The following PTPN12 variants were observed in gnomAD, a reference collection of about 807,000 sequenced individuals.
PTPN12 encodes the protein protein tyrosine phosphatase non-receptor type 12, also known as tyrosine-protein phosphatase non-receptor type 12.
PTPN12 carries 29 observed loss-of-function variants against 97.6 expected under a neutral mutation model. The observed-to-expected ratio is 0.30, with a 90% confidence interval of 0.22 to 0.41. The LOEUF is 0.41. Among genes scored for constraint, PTPN12 ranks in the 10% least tolerant of loss-of-function variants. PTPN12 has a pLI of 1.00. For missense variants in PTPN12, 819 were observed against 926.0 expected (o/e 0.88, Z 1.50); for synonymous variants, 327 against 300.4 (o/e 1.09, Z -0.91).
chr7:77,554,719 A>T (rs530186282), intron 1 of PTPN12, among the ~76,000 whole-genome samples: 29 of 152,296 alleles, frequency 1.9e-4, no homozygotes, highest in African/African-American at 6.5e-4. Context: ...TCTGTCTGTC[A>T]TCCAGGCTAT....
intron 14 of PTPN12, among the ~76,000 whole-genome samples, chr7:77,635,471 G>A (rs1470743627): frequency 6.6e-6 from 1 of 152,196 alleles, no homozygotes; most frequent in Non-Finnish European, 1.5e-5. Context: ...AGTTGTCTAA[G>A]TCTGTCACGT....
intron 1 of PTPN12, among the ~76,000 whole-genome samples, chr7:77,569,660 A>G (rs1808394432): frequency 6.6e-6 from 1 of 152,124 alleles, no homozygotes; most frequent in Admixed American, 6.6e-5. Context: ...AATTCCAGCT[A>G]CTCAGGAGGC....
At chr7:77,539,193 G>T (rs937101264) in intron 1 of PTPN12, among the ~76,000 whole-genome samples, 1 of 152,064 alleles carries the variant, frequency 6.6e-6, no homozygotes, top group Admixed American at 6.5e-5. Context: ...TATAAAATAG[G>T]CCCTTGACCA....
At chr7:77,638,867 TAAATG>T in intron 17 of PTPN12, 136 bp downstream of exon 17, 1 of 1,303,734 alleles carries the variant, frequency 7.7e-7, no homozygotes, top group Non-Finnish European at 1.0e-6. Flanking sequence ...AGTCATGAAA[TAAATG>T]AAATACTTAA....
At chr7:77,581,146 C>T (rs1035444928) in intron 2 of PTPN12, among the ~76,000 whole-genome samples, 3 of 152,132 alleles carry the variant, frequency 2.0e-5, no homozygotes, top group African/African-American at 7.2e-5. Flanking sequence ...AATCTTGGCT[C>T]ACTGCAACCT....
Position 77,558,724 on chromosome 7 carries a change from A to C in PTPN12, c.100-12354A>C, listed in dbSNP as rs539938899. On this transcript the variant is annotated intron_variant, in intron 1 of 17. Coordinates refer to ENST00000248594, the MANE Select transcript of PTPN12 (RefSeq NM_002835.4). ...GTGGTTCACTGTGCCCAAACTGTAC[A>C]AACAATGTGGTTTATGAGCTGGGCC... Among the ~76,000 whole-genome samples, 6 of 152,308 alleles carry C rather than the reference A, an allele frequency of 3.9e-5. No homozygotes were observed. In the East Asian group the frequency reaches 1.2e-3, roughly 29 times the overall value.
intron 12 of PTPN12, among the ~76,000 whole-genome samples, chr7:77,619,020 ATCTT>A (rs961527443): frequency 6.6e-6 from 1 of 152,176 alleles, no homozygotes; most frequent in African/African-American, 2.4e-5. Context: ...ATATATTCAT[ATCTT>A]TCTTTTCCTT....
At chr7:77,616,428 A>G (rs1326864426) in intron 11 of PTPN12, among the ~76,000 whole-genome samples, 3 of 152,124 alleles carry the variant, frequency 2.0e-5, no homozygotes, top group Non-Finnish European at 4.4e-5. Flanking sequence ...CTTACATTTT[A>G]GTATCCTCTG....
chr7:77,561,916 C>T (rs1808016621), intron 1 of PTPN12, among the ~76,000 whole-genome samples: 1 of 151,908 alleles, frequency 6.6e-6, no homozygotes, highest in Non-Finnish European at 1.5e-5. Flanking sequence ...CTCAGCCTCC[C>T]AAGTAGCTGG....
intron 1 of PTPN12, among the ~76,000 whole-genome samples, chr7:77,540,444 G>A (rs1158877194): frequency 2.0e-5 from 3 of 151,580 alleles, no homozygotes; most frequent in Non-Finnish European, 1.5e-5. Context: ...CACCATATTG[G>A]CCAGACTGGT....
chr7:77,579,675 C>T (rs1787451046), intron 2 of PTPN12, among the ~76,000 whole-genome samples: 1 of 152,014 alleles, frequency 6.6e-6, no homozygotes, highest in Non-Finnish European at 1.5e-5. Context: ...TAAACATCAG[C>T]ACAAACTGGA....
chr7:77,555,244 G>A (rs1410941426), intron 1 of PTPN12, among the ~76,000 whole-genome samples: 2 of 149,428 alleles, frequency 1.3e-5, no homozygotes, highest in African/African-American at 4.9e-5. Flanking sequence ...TAGTTTGAAA[G>A]TGATATGCCT....
At chr7:77,546,755 AG>A (rs1807237408) in intron 1 of PTPN12, among the ~76,000 whole-genome samples, 1 of 151,990 alleles carries the variant, frequency 6.6e-6, no homozygotes, top group Non-Finnish European at 1.5e-5. Flanking sequence ...ATGGCTGGGG[AG>A]GCCTCAGGAA....
At chr7:77,557,485 G>A (rs1055019174) in intron 1 of PTPN12, among the ~76,000 whole-genome samples, 12 of 152,142 alleles carry the variant, frequency 7.9e-5, no homozygotes, top group African/African-American at 2.9e-4. Context: ...TGATTTTTCA[G>A]TTTGTTTAGC....
chr7:77,579,839 A>T (rs1244847476), intron 2 of PTPN12, among the ~76,000 whole-genome samples: 1 of 152,226 alleles, frequency 6.6e-6, no homozygotes, highest in Admixed American at 6.5e-5. Context: ...CAATAAATAG[A>T]TTAAAACATA....
At chr7:77,592,377 C>T in intron 6 of PTPN12, 121 bp downstream of exon 6, 2 of 805,202 alleles carry the variant, frequency 2.5e-6, no homozygotes, top group African/African-American at 3.6e-5. Context: ...CAAACCTATG[C>T]TTACATTTAA....
rs545792507 is a variant in PTPN12 at position 77,537,659 on chromosome 7, C to G, written c.99+14C>G. 1.0e-5 allele frequency: 16 copies of G among 1,578,320 alleles called. No individual in the cohort carries two copies. The Admixed American group carries it at 2.9e-4, about 28-fold the overall frequency. On this transcript the variant is annotated intron_variant, in intron 1 of 17. Coordinates refer to ENST00000248594, the MANE Select transcript of PTPN12 (RefSeq NM_002835.4). The stretch of plus-strand genomic sequence containing the variant: ...CGGGACTTCATGGTGAGTCTCTCCC[C>G]TCGCTGTCGCGTTTTCTTGCCGGCG...
At chr7:77,636,965 A>G (rs1020611027) in intron 15 of PTPN12, 53 bp from the exon 16 acceptor site, 4 of 1,414,786 alleles carry the variant, frequency 2.8e-6, no homozygotes, top group African/African-American at 2.9e-5. Context: ...GCTTTCTATT[A>G]TTTGTATATA....
rs374461461 is a variant in PTPN12 at position 77,632,395 on chromosome 7, C to G, written c.2044C>G (p.Pro682Ala). ...ACCTCCTCCCCTACCTGAAAGAACT[C>G]CTGAATCGTTTGTGTTAGCAAGTGA... ...DSPPPLPERT[P>A]ESFVLASEHN... is the part of the protein sequence containing the mutation. The change falls in exon 14 of 18, where the codon CCT becomes GCT. Residue 682 changes from proline (P) to alanine (A), a missense_variant. By Grantham distance (27) the Pro-to-Ala change is conservative. Coordinates refer to ENST00000248594, the MANE Select transcript of PTPN12 (RefSeq NM_002835.4). The G allele has an allele frequency of 1.9e-6, 3 of 1,611,154 alleles. No individual in the cohort carries two copies. The highest frequency in any genetic ancestry group is 2.7e-5 in the African/African-American group (2 of 74,814).
Sources: gnomAD v4.1 joint callset for allele counts (sites outside exome capture counted in the v4.1 genomes callset) on GRCh38, gnomAD v4.1.1 for gene constraint, MANE v1.5 for transcripts, NCBI Gene and HGNC (gene_info 2026-07-23, HGNC 2026-07-21) for gene names.